HDAC4: variants seen among roughly 807,000 people sequenced by gnomAD.
HDAC4 encodes histone deacetylase A.
Under a neutral mutation model 135.1 loss-of-function variants are expected in HDAC4, and 16 were observed. The ratio of observed to expected loss-of-function variants is 0.12; its 90% CI spans 0.08 to 0.18. The LOEUF (loss-of-function observed/expected upper bound fraction) is 0.18. HDAC4 is among the 10% of genes least tolerant of loss of function. The pLI, the probability that HDAC4 is intolerant of heterozygous loss-of-function variation, is 1.00. For synonymous variants in HDAC4, 685 were observed against 653.4 expected, an observed-to-expected ratio of 1.05 and a Z score of -0.74; for missense variants, 1,143 against 1,511.8, an observed-to-expected ratio of 0.76 and a Z score of 4.05.
chr2:239,206,663 GA>G (rs35571265), intron 3 of HDAC4, among the ~76,000 whole-genome samples: 21,412 of 130,726 alleles, frequency 0.16, 1,602 homozygotes, highest in East Asian at 0.25. Flanking sequence ...CTCAAGGACT[GA>G]AAAAAAAAAA....
intron 1 of HDAC4, 125 bp from the exon 2 acceptor site, chr2:239,353,043 G>A (rs923953731): frequency 1.2e-4 from 40 of 333,318 alleles, no homozygotes; most frequent in East Asian, 2.8e-4. Context: ...TTGCTCTATC[G>A]CCCAGGCTGG....
chr2:239,317,519 G>C (rs986722226), intron 2 of HDAC4, among the ~76,000 whole-genome samples: 4 of 152,140 alleles, frequency 2.6e-5, no homozygotes, highest in Non-Finnish European at 4.4e-5. Context: ...AAACGGGAGG[G>C]ACCTGCCAGA....
intron 4 of HDAC4, 63 bp from the exon 5 acceptor site, chr2:239,176,626 A>G (rs979697157): frequency 5.3e-6 from 8 of 1,520,000 alleles, no homozygotes; most frequent in Non-Finnish European, 7.2e-6. Flanking sequence ...CAGAGACCCA[A>G]TGAAGACCCA....
At chr2:239,374,854 C>G (rs772452646) in intron 1 of HDAC4, among the ~76,000 whole-genome samples, 1 of 152,206 alleles carries the variant, frequency 6.6e-6, no homozygotes, top group Non-Finnish European at 1.5e-5. Flanking sequence ...GGCCACAGGT[C>G]CTGTCAGCTG....
At chr2:239,161,668 A>T (rs1575240927) in intron 6 of HDAC4, 3 of 284,244 alleles carry the variant, frequency 1.1e-5, no homozygotes, top group East Asian at 2.0e-4. Context: ...AGGTCCCCAG[A>T]GCCCTCTGAG....
intron 22 of HDAC4, among the ~76,000 whole-genome samples, chr2:239,076,348 C>T (rs774588840): frequency 2.9e-4 from 44 of 152,234 alleles, no homozygotes; most frequent in African/African-American, 8.9e-4. Flanking sequence ...GGCTGTGTCA[C>T]GGGGCACGTC....
At chr2:239,380,246 G>T (rs767934005) in intron 1 of HDAC4, among the ~76,000 whole-genome samples, 9 of 152,290 alleles carry the variant, frequency 5.9e-5, no homozygotes, top group Admixed American at 2.0e-4. Flanking sequence ...CGCGTCTTTG[G>T]GTAAATCGAG....
rs566041965 is a variant in HDAC4, at chr2:239,082,042, C to T, written c.2652+60G>A. On this transcript the variant is annotated intron_variant, in intron 21 of 26. Coordinates refer to ENST00000543185, the MANE Select transcript of HDAC4 (RefSeq NM_001378414.1). ...AGCTGTGGACCGTCTGCCCCGTGCCCCCACAGCGGCTCCCCGCAGTCCCCC... is the reference window on the plus strand; with the variant it reads ...AGCTGTGGACCGTCTGCCCCGTGCCTCCACAGCGGCTCCCCGCAGTCCCCC... 7.5e-6 allele frequency: 12 copies of T among 1,592,426 alleles called. No individual in the cohort carries two copies. The Admixed American group carries it at 8.3e-5, about 11-fold the overall frequency.
At chr2:239,342,335 G>A (rs568256033) in intron 2 of HDAC4, among the ~76,000 whole-genome samples, 84 of 151,840 alleles carry the variant, frequency 5.5e-4, no homozygotes, top group African/African-American at 2.0e-3. Flanking sequence ...CAAACTCAAA[G>A]AGCTAATTTG....
In HDAC4 at chr2:239,245,252, C is replaced by A. The variant is rs907579978; in HGVS notation, c.23-8588G>T. Among the ~76,000 whole-genome samples the A allele has an allele frequency of 6.6e-6, 1 of 152,100 alleles. No individual in the cohort carries two copies. The highest frequency in any genetic ancestry group is 6.5e-5 in the Admixed American group (1 of 15,270). On this transcript the variant is annotated intron_variant, in intron 2 of 26. Transcript: ENST00000543185. The surrounding 1 kb of genome is among the most constrained non-coding windows in gnomAD (Gnocchi z 4.4). ...TGTAGCTGCCGGCTTACAGGAAGTA[C>A]GGGTTTGGCAGAACCTGCTAAAGGA... is the stretch of plus-strand genomic sequence containing the variant.
At chr2:239,279,753 G>A (rs1460812546) in intron 2 of HDAC4, among the ~76,000 whole-genome samples, 1 of 152,224 alleles carries the variant, frequency 6.6e-6, no homozygotes, top group Non-Finnish European at 1.5e-5. Flanking sequence ...GGCATGGGAT[G>A]GGGGCGACTG....
Position 239,115,324 on chromosome 2 carries a change from G to T in HDAC4, c.1534-14C>A. 1 of 1,613,028 alleles carries T rather than the reference G, an allele frequency of 6.2e-7. No homozygotes were observed. Among genetic ancestry groups the T allele is most frequent in the Non-Finnish European group, 8.5e-7 (1 of 1,179,960 alleles). On this transcript the variant is annotated splice_polypyrimidine_tract_variant and intron_variant, in intron 12 of 26. Transcript: ENST00000543185. The surrounding 1 kb of genome is among the most constrained non-coding windows in gnomAD (Gnocchi z 6.3). ...CTTGGGGATGATCTGCAAGGCGGAG[G>T]TAACACATGAAGCACAGAGAGCTGG...
At chr2:239,120,623 GA>G (rs1372443980) in intron 12 of HDAC4, among the ~76,000 whole-genome samples, 12 of 64,020 alleles carry the variant, frequency 1.9e-4, no homozygotes, top group Non-Finnish European at 3.6e-4. Flanking sequence ...GCGGGGAAGG[GA>G]AATAGGGGGA....
chr2:239,089,808 T>C, intron 18 of HDAC4: 2 of 601,284 alleles, frequency 3.3e-6, no homozygotes, highest in South Asian at 3.8e-5. Flanking sequence ...ATCTCTGTAC[T>C]ATGCACATAC....
chr2:239,335,508 CAAAAAAAAAA>C (rs61007856), intron 2 of HDAC4, among the ~76,000 whole-genome samples: 3 of 59,378 alleles, frequency 5.1e-5, no homozygotes, highest in Non-Finnish European at 1.1e-4. Context: ...ATCTGTTCAG[CAAAAAAAAAA>C]AAAAAAAAAA....
chr2:239,198,324 T>C (rs2045537270), intron 3 of HDAC4, among the ~76,000 whole-genome samples: 1 of 152,178 alleles, frequency 6.6e-6, no homozygotes, highest in African/African-American at 2.4e-5. Context: ...GGAGGGTGAC[T>C]GGAGGTGGCA....
chr2:239,356,794 T>C (rs901737272), intron 1 of HDAC4, among the ~76,000 whole-genome samples: 3 of 152,136 alleles, frequency 2.0e-5, no homozygotes, highest in Non-Finnish European at 4.4e-5. Flanking sequence ...CACCACGATA[T>C]TTCCATATGA....
rs528950090 is a variant in HDAC4, at chr2:239,108,179, G to A, written c.1983C>T (p.Leu661=). 9.4e-5 allele frequency: 150 copies of A among 1,599,816 alleles called. No individual in the cohort carries two copies. The South Asian group carries it at 1.5e-3, about 16-fold the overall frequency. ...GCTTCAGCATCAGCGTGTCATACAC[G>A]AGGCCTGGGGCGGGGCAGAGGGGCC... ...PPTKPRFTTG[L]VYDTLMLKHQ... Residue 661 remains leucine (L), a synonymous_variant, in exon 15 of 27, where the codon CTC becomes CTT. Coordinates refer to ENST00000543185, the MANE Select transcript of HDAC4 (RefSeq NM_001378414.1).
intron 1 of HDAC4, among the ~76,000 whole-genome samples, chr2:239,368,196 G>A (rs1403645882): frequency 6.6e-6 from 1 of 152,074 alleles, no homozygotes; most frequent in Non-Finnish European, 1.5e-5. Flanking sequence ...GAGTGTGAAG[G>A]GCTCCGGAGT....
Sources: allele counts gnomAD v4.1 joint callset (sites outside exome capture counted in the v4.1 genomes callset), GRCh38; gene constraint gnomAD v4.1.1; non-coding constraint Gnocchi (gnomAD v3.1); transcripts MANE v1.5; gene names NCBI Gene and HGNC (gene_info 2026-07-23, HGNC 2026-07-21).